The following TBC1D1 variants were observed in gnomAD, a reference collection of about 807,000 sequenced individuals.
The protein encoded by TBC1D1 is TBC1 domain family member 1.
TBC1D1 carries 89 observed loss-of-function variants against 125.6 expected under a neutral mutation model. That is an observed-to-expected ratio of 0.71 (90% CI 0.60 to 0.85). The LOEUF (loss-of-function observed/expected upper bound fraction) is 0.85. Ranked by LOEUF, TBC1D1 falls within the 40% of genes least tolerant of loss-of-function variation. TBC1D1 has a pLI of 0.00. For synonymous variants in TBC1D1, 565 were observed against 564.1 expected (o/e 1.00, Z -0.02); for missense variants, 1,377 against 1,469.2 (o/e 0.94, Z 1.03).
chr4:38,037,996 A>T (rs1367005261), intron 8 of TBC1D1, among the ~76,000 whole-genome samples: 1 of 152,250 alleles, frequency 6.6e-6, no homozygotes, highest in Non-Finnish European at 1.5e-5. Context: ...ATCAGCTGCC[A>T]CTTACTGAAT....
Position 37,958,710 on chromosome 4 carries a change from A to G in TBC1D1, c.418-55799A>G, listed in dbSNP as rs193175125. 1.4e-3 allele frequency among the ~76,000 whole-genome samples: 207 copies of G among 152,348 alleles called. 2 individuals are homozygous for G. The highest frequency in any genetic ancestry group is 4.8e-3 in the African/African-American group (199 of 41,590). ...TTCAGAGTACTATTAGAAGGCTGTT[A>G]ATAAAAAATGAATGTGTCGGAAGAG... On this transcript the variant is annotated intron_variant, in intron 2 of 19. Transcript: ENST00000261439.
intron 8 of TBC1D1, among the ~76,000 whole-genome samples, chr4:38,036,441 C>T (rs529298852): frequency 6.6e-5 from 10 of 152,180 alleles, no homozygotes; most frequent in Non-Finnish European, 1.5e-4. Flanking sequence ...CTAAAGTTAC[C>T]TGTTGGCCAG....
At chr4:38,113,745 A>G (rs1271221779) in intron 15 of TBC1D1, among the ~76,000 whole-genome samples, 1 of 152,242 alleles carries the variant, frequency 6.6e-6, no homozygotes, top group Non-Finnish European at 1.5e-5. Context: ...TGCCCAGTAC[A>G]GAAGCCACAT....
At chr4:38,082,193 A>C (rs4832986) in intron 12 of TBC1D1, among the ~76,000 whole-genome samples, 65,763 of 151,938 alleles carry the variant, frequency 0.43, 16,174 homozygotes, top group East Asian at 0.66. Context: ...TCCCCACAAT[A>C]CTGAAGAAAG....
intron 7 of TBC1D1, among the ~76,000 whole-genome samples, chr4:38,032,015 G>T (rs1458460581): frequency 6.6e-6 from 1 of 152,214 alleles, no homozygotes; most frequent in Non-Finnish European, 1.5e-5. Flanking sequence ...CCAGTGCCAA[G>T]ATTAAGAAAT....
chr4:37,951,275 T>C (rs1173985509), intron 2 of TBC1D1, among the ~76,000 whole-genome samples: 1 of 152,144 alleles, frequency 6.6e-6, no homozygotes, highest in Non-Finnish European at 1.5e-5. Flanking sequence ...AAAATGATCG[T>C]GGGAAGAGAA....
At chr4:38,018,576 G>T (rs140203902) in intron 4 of TBC1D1, 133 bp downstream of exon 4, 5 of 506,702 alleles carry the variant, frequency 9.9e-6, no homozygotes, top group Admixed American at 8.5e-5. Context: ...TTTGTGTTTC[G>T]CTTTTCTTCT....
intron 14 of TBC1D1, among the ~76,000 whole-genome samples, chr4:38,101,788 T>C (rs1037915028): frequency 6.6e-6 from 1 of 152,176 alleles, no homozygotes; most frequent in Non-Finnish European, 1.5e-5. Flanking sequence ...GCCGTCAATT[T>C]TGCCTCTCAC....
chr4:38,034,002 C>T, intron 7 of TBC1D1, among the ~76,000 whole-genome samples: 1 of 152,204 alleles, frequency 6.6e-6, no homozygotes, highest in East Asian at 1.9e-4. Flanking sequence ...GTTTTCAGCT[C>T]ATTTGGGTAA....
chr4:38,021,739 A>G (rs1430388782), intron 6 of TBC1D1, 21 bp downstream of exon 6: 7 of 1,522,084 alleles, frequency 4.6e-6, no homozygotes, highest in East Asian at 2.4e-5. Flanking sequence ...GACCCTTTCC[A>G]GCATGAACAC....
chr4:37,982,057 C>G (rs1734434327), intron 2 of TBC1D1, among the ~76,000 whole-genome samples: 1 of 152,208 alleles, frequency 6.6e-6, no homozygotes. Flanking sequence ...ACGAGTACAA[C>G]TTGCCCTTCC....
Position 38,014,937 on chromosome 4 carries a change from C to T in TBC1D1, c.846C>T (p.Pro282=), listed in dbSNP as rs968975006. The change falls in exon 3 of 20, where the codon CCC becomes CCT. Residue 282 remains proline (P), a synonymous_variant. Coordinates refer to ENST00000261439, the MANE Select transcript of TBC1D1 (RefSeq NM_015173.4). The surrounding 1 kb of genome is among the most constrained non-coding windows in gnomAD (Gnocchi z 5.1). Reference sequence around the variant, plus strand: ...TTAGCGGACACAATATTGTGCAGCCCACAGATATCGAGGAAAATCGAACTA... The same window carrying T: ...TTAGCGGACACAATATTGTGCAGCCTACAGATATCGAGGAAAATCGAACTA... 5 of 1,560,572 alleles carry T rather than the reference C, an allele frequency of 3.2e-6. No homozygotes were observed. In the South Asian group the frequency reaches 5.8e-5, roughly 18 times the overall value.
intron 2 of TBC1D1, among the ~76,000 whole-genome samples, chr4:37,956,929 A>C (rs1166351643): frequency 2.3e-5 from 3 of 133,016 alleles, no homozygotes; most frequent in Non-Finnish European, 4.7e-5. Flanking sequence ...ACAGAGCAAG[A>C]CTCCGTCTCA....
intron 8 of TBC1D1, among the ~76,000 whole-genome samples, chr4:38,041,323 A>G (rs1445401124): frequency 6.6e-6 from 1 of 152,244 alleles, no homozygotes; most frequent in African/African-American, 2.4e-5. Context: ...AAAAAGTGAC[A>G]ATACCGTATA....
Position 38,018,363 on chromosome 4 carries a change from T to C in TBC1D1, c.892T>C (p.Ser298Pro). Residue 298 changes from serine (S) to proline (P), a missense_variant, in exon 4 of 20, where the codon TCT becomes CCT. Physicochemically the swap from Ser to Pro is moderately conservative, Grantham distance 74 (BLOSUM62 -1). Around this residue, in one of 3 missense-constraint regions of TBC1D1, gnomAD observed 822 missense variants for 824.6 expected, o/e 1.00. Transcript: ENST00000261439. ...TTGTTTGTCTTTTAAGATTGGCCAG[T>C]CTGAAGTTTACCTCATCAGTCCTGA... is the stretch of plus-strand genomic sequence containing the variant. 6.2e-7 allele frequency: 1 copy of C among 1,609,796 alleles called. No homozygotes were observed. Among genetic ancestry groups the C allele is most frequent in the African/African-American group, 1.3e-5 (1 of 74,784 alleles).
intron 2 of TBC1D1, among the ~76,000 whole-genome samples, chr4:37,955,719 CTT>C (rs1030509962): frequency 6.6e-6 from 1 of 152,174 alleles, no homozygotes; most frequent in African/African-American, 2.4e-5. Flanking sequence ...CACTGTGACT[CTT>C]TTTTACAAAA....
chr4:38,037,701 A>G (rs1236933340), intron 8 of TBC1D1, among the ~76,000 whole-genome samples: 3 of 152,230 alleles, frequency 2.0e-5, no homozygotes, highest in East Asian at 1.9e-4. Context: ...CTCTGGCCAC[A>G]GGACTTCAGA....
intron 2 of TBC1D1, among the ~76,000 whole-genome samples, chr4:37,917,936 A>C (rs1166511371): frequency 6.6e-6 from 1 of 152,206 alleles, no homozygotes; most frequent in Non-Finnish European, 1.5e-5. Flanking sequence ...CCTCAAAAAA[A>C]ATAGACGAAG....
chr4:38,048,111 A>T (rs10025608), intron 10 of TBC1D1, among the ~76,000 whole-genome samples: 10,202 of 152,260 alleles, frequency 0.067, 1,155 homozygotes, highest in African/African-American at 0.23. Context: ...TATATGTTTA[A>T]GTGTACTTTA....
Sources: gnomAD v4.1 joint callset for allele counts (sites outside exome capture counted in the v4.1 genomes callset) on GRCh38, gnomAD v4.1.1 for gene constraint, gnomAD v4.1.1 regional missense constraint, Gnocchi (gnomAD v3.1) non-coding constraint, MANE v1.5 for transcripts, NCBI Gene and HGNC (gene_info 2026-07-23, HGNC 2026-07-21) for gene names.